OTOF: variants seen among roughly 807,000 people sequenced by gnomAD.
OTOF encodes otoferlin.
In OTOF, 218 loss-of-function variants were observed where a neutral mutation model predicts 236.8. The ratio of observed to expected loss-of-function variants is 0.92; its 90% CI spans 0.82 to 1.03. The LOEUF is 1.03. Ranked by LOEUF, OTOF falls within the 50% of genes least tolerant of loss-of-function variation. OTOF has a pLI of 0.00. For missense variants in OTOF, 2,590 were observed against 2,694.4 expected (o/e 0.96, Z 0.86); for synonymous variants, 1,041 against 1,072.5 (o/e 0.97, Z 0.57).
chr2:26,541,511 T>C (rs1487231128), intron 1 of OTOF, among the ~76,000 whole-genome samples: 1 of 152,168 alleles, frequency 6.6e-6, no homozygotes, highest in African/African-American at 2.4e-5. Flanking sequence ...AAAATGTCCT[T>C]CAGCATTTTG....
At chr2:26,476,485 T>A (rs1665277280) in intron 22 of OTOF, among the ~76,000 whole-genome samples, 168 bp from the exon 23 acceptor site, 1 of 107,980 alleles carries the variant, frequency 9.3e-6, no homozygotes, top group Non-Finnish European at 1.8e-5. Flanking sequence ...GGGGCCGTCA[T>A]GCCCCCTTCC....
At chr2:26,526,120 G>A (rs371074776) in intron 3 of OTOF, among the ~76,000 whole-genome samples, 22 of 75,402 alleles carry the variant, frequency 2.9e-4, no homozygotes, top group South Asian at 6.2e-4. Flanking sequence ...AAAGAAAAAA[G>A]GTGGAAGGAT....
At position 26,477,440 on chromosome 2, in the gene OTOF, G is replaced by A; in HGVS notation, c.2382C>T (p.Arg794=). 6.3e-7 allele frequency: 1 copy of A among 1,596,500 alleles called. No homozygotes were observed. The highest frequency in any genetic ancestry group is 8.5e-7 in the Non-Finnish European group (1 of 1,172,176). The change falls in exon 20 of 47, where the codon CGC becomes CGT. Residue 794 remains arginine, a synonymous_variant. Transcript: ENST00000272371. The surrounding 1 kb of genome is among the most constrained non-coding windows in gnomAD (Gnocchi z 4.7). ...CCAGCTCCCTCATGCAGGACTTGAGGCGCTCCCGGTCAAGCCTGGTGCGGG... is the reference window on the plus strand; with the variant it reads ...CCAGCTCCCTCATGCAGGACTTGAGACGCTCCCGGTCAAGCCTGGTGCGGG... ...HSSRTRLDRE[R]LKSCMRELEN... is the part of the protein sequence containing the mutation.
In OTOF at chr2:26,532,092, CAAAAAAAAAA is replaced by C. The variant is rs150580671; in HGVS notation, c.139-4182_139-4173del. Reference sequence around the variant, plus strand: ...TGGGTGACAGAGTAAGACTCCACCTCAAAAAAAAAAAAAAAAAAAAAAAGACTGAAGGAAA... The same window carrying C: ...TGGGTGACAGAGTAAGACTCCACCTCAAAAAAAAAAAAAGACTGAAGGAAA... On this transcript the variant is annotated intron_variant, in intron 2 of 46. Coordinates refer to ENST00000272371, the MANE Select transcript of OTOF (RefSeq NM_194248.3). 1.9e-4 allele frequency among the ~76,000 whole-genome samples: 15 copies of C among 80,196 alleles called. No individual in the cohort carries two copies. In the South Asian group the frequency reaches 5.3e-3, roughly 28 times the overall value. 52.6% of individuals were successfully genotyped at this position (80,196 alleles called of 152,430 possible). A position where few individuals can be genotyped will look rare whatever the true frequency, so the allele number is the denominator to read the frequency against.
At chr2:26,506,372 A>G (rs994063971) in intron 5 of OTOF, among the ~76,000 whole-genome samples, 1 of 152,138 alleles carries the variant, frequency 6.6e-6, no homozygotes, top group African/African-American at 2.4e-5. Flanking sequence ...AGCCTTTGCC[A>G]TTGCAGCCTG....
chr2:26,512,372 G>A (rs1666412566), intron 5 of OTOF, among the ~76,000 whole-genome samples: 2 of 152,356 alleles, frequency 1.3e-5, no homozygotes, highest in South Asian at 4.1e-4. Flanking sequence ...GTCCTCCCTG[G>A]TGTCATGCAG....
chr2:26,472,943 C>A (rs572153825), intron 29 of OTOF, among the ~76,000 whole-genome samples, 189 bp downstream of exon 29: 184 of 152,346 alleles, frequency 1.2e-3, no homozygotes, highest in South Asian at 3.7e-3. Flanking sequence ...TCCAGTTCTG[C>A]CCTCTCTGGC....
Position 26,461,753 on chromosome 2 carries a change from C to T in OTOF, c.5476G>A (p.Ala1826Thr), listed in dbSNP as rs774994611. The change falls in exon 43 of 47, where the codon GCG becomes ACG. Residue 1826 changes from alanine to threonine, a missense_variant. Ala to Thr is a moderately conservative substitution (Grantham distance 58). This residue lies in a region of OTOF where 1,211 missense variants were observed against 1,352.8 expected (regional missense o/e 0.90). Coordinates refer to ENST00000272371, the MANE Select transcript of OTOF (RefSeq NM_194248.3). This position sits in a 1 kb window ranked among gnomAD's most constrained non-coding sequence, Gnocchi z 6.2. ...TCCCAGATCTGCAGGGTGAGCCGCG[C>T]GGGGATCTTGTACTCGGTCTCGTCC... ...SWDETEYKIP[A>T]RLTLQIWDAD... is the part of the protein sequence containing the mutation. The T allele has an allele frequency of 1.2e-5, 20 of 1,614,050 alleles. No individual in the cohort carries two copies. Among genetic ancestry groups the T allele is most frequent in the Middle Eastern group, 1.6e-4 (1 of 6,084 alleles).
rs1236574851 is a variant in OTOF, at chr2:26,460,450, G to A, written c.5813+197C>T. 6.6e-6 allele frequency among the ~76,000 whole-genome samples: 1 copy of A among 152,212 alleles called. No individual in the cohort carries two copies. Among genetic ancestry groups the A allele is most frequent in the African/African-American group, 2.4e-5 (1 of 41,462 alleles). ...TGGGGCCTTTCCCAGGGAAGGTCCT[G>A]CTCTCCAGTATTCCTAGCCCATCCT... is the stretch of plus-strand genomic sequence containing the variant. On this transcript the variant is annotated intron_variant, in intron 45 of 46. Transcript: ENST00000272371. The surrounding 1 kb of genome is among the most constrained non-coding windows in gnomAD (Gnocchi z 5.3).
In OTOF at chr2:26,477,520, G is replaced by C. The variant is rs369796499; in HGVS notation, c.2316-14C>G. The C allele has an allele frequency of 2.5e-6, 4 of 1,598,780 alleles. No individual in the cohort carries two copies. The highest frequency in any genetic ancestry group is 3.4e-6 in the Non-Finnish European group (4 of 1,172,822). ...GAGAGGAAGCGGCTGGGGGTAGGGC[G>C]AGCCGGGGTTTAGCGAGCCTGACCA... On this transcript the variant is annotated splice_polypyrimidine_tract_variant and intron_variant, in intron 19 of 46. Transcript: ENST00000272371. The surrounding 1 kb of genome is among the most constrained non-coding windows in gnomAD (Gnocchi z 4.7).
At chr2:26,545,338 C>T (rs1245264319) in intron 1 of OTOF, among the ~76,000 whole-genome samples, 2 of 152,156 alleles carry the variant, frequency 1.3e-5, no homozygotes, top group East Asian at 1.9e-4. Context: ...CTTTTGCCTA[C>T]ATAAAAAATT....
intron 5 of OTOF, among the ~76,000 whole-genome samples, chr2:26,511,069 C>A (rs1476917352): frequency 6.6e-6 from 1 of 152,360 alleles, no homozygotes; most frequent in Admixed American, 6.5e-5. Context: ...GATGATTCCA[C>A]AATGTGGGTC....
At position 26,460,004 on chromosome 2, in the gene OTOF, A is replaced by C. The variant is rs1234856070; in HGVS notation, c.*17+4T>G. 1.3e-6 allele frequency: 2 copies of C among 1,558,186 alleles called. No homozygotes were observed. Among genetic ancestry groups the C allele is most frequent in the African/African-American group, 2.7e-5 (2 of 73,792 alleles). ...TCCAGAGGAAGAAGTAAGAAATATC[A>C]GACCCAGGAGGCCACTGGGCTCAGG... On this transcript the variant is annotated splice_donor_region_variant and intron_variant, in intron 46 of 46. Coordinates refer to ENST00000272371, the MANE Select transcript of OTOF (RefSeq NM_194248.3). The surrounding 1 kb of genome is among the most constrained non-coding windows in gnomAD (Gnocchi z 5.3).
intron 8 of OTOF, among the ~76,000 whole-genome samples, chr2:26,495,727 G>A (rs11675374): frequency 0.31 from 47,267 of 152,100 alleles, 8,619 homozygotes; most frequent in South Asian, 0.39. Flanking sequence ...TGCCCAGGCT[G>A]GAATCTGTAT....
Position 26,460,303 on chromosome 2 carries a change from T to C in OTOF, c.5814-98A>G. 9.7e-7 allele frequency: 1 copy of C among 1,026,382 alleles called. No homozygotes were observed. The highest frequency in any genetic ancestry group is 2.6e-5 in the East Asian group (1 of 38,484). 63.6% of individuals were successfully genotyped at this position (1,026,382 alleles called of 1,614,324 possible). A position where few individuals can be genotyped will look rare whatever the true frequency, so the allele number is the denominator to read the frequency against. Reference sequence around the variant, plus strand: ...GACCAAGAGGGAAGCTGTCCTGGGCTGTGTGTGCAGTTCTAGGCACCCCTC... The same window carrying C: ...GACCAAGAGGGAAGCTGTCCTGGGCCGTGTGTGCAGTTCTAGGCACCCCTC... On this transcript the variant is annotated intron_variant, in intron 45 of 46. Coordinates refer to ENST00000272371, the MANE Select transcript of OTOF (RefSeq NM_194248.3). The surrounding 1 kb of genome is among the most constrained non-coding windows in gnomAD (Gnocchi z 5.3).
chr2:26,472,159 GCA>G (rs1301130021), intron 30 of OTOF, among the ~76,000 whole-genome samples: 7 of 150,834 alleles, frequency 4.6e-5, no homozygotes, highest in African/African-American at 1.2e-4. Context: ...CCACATACAT[GCA>G]CACACACATG....
At chr2:26,459,639 T>G (rs1214258510) in intron 46 of OTOF, among the ~76,000 whole-genome samples, 1 of 151,814 alleles carries the variant, frequency 6.6e-6, no homozygotes, top group African/African-American at 2.4e-5. Context: ...AACACAGGAT[T>G]GGAAATTTGG....
chr2:26,485,834 T>C (rs1558493326), intron 11 of OTOF, among the ~76,000 whole-genome samples: 1 of 152,044 alleles, frequency 6.6e-6, no homozygotes, highest in African/African-American at 2.4e-5. Flanking sequence ...AATGCCACAG[T>C]AGAGTCTGAA....
chr2:26,479,463 C>G lies in OTOF; in HGVS notation c.2093+10G>C. On this transcript the variant is annotated intron_variant, in intron 17 of 46. Transcript: ENST00000272371. ...GGCCAGGCCACAGGAGGATGGGAGG[C>G]TGGGCCCACCTGTCGGTGACCTGGG... The G allele has an allele frequency of 6.2e-7, 1 of 1,601,782 alleles. No homozygotes were observed. Among genetic ancestry groups the G allele is most frequent in the Non-Finnish European group, 8.5e-7 (1 of 1,175,090 alleles).
Sources: gnomAD v4.1 joint callset for allele counts (sites outside exome capture counted in the v4.1 genomes callset) on GRCh38, gnomAD v4.1.1 for gene constraint, gnomAD v4.1.1 regional missense constraint, Gnocchi (gnomAD v3.1) non-coding constraint, MANE v1.5 for transcripts, NCBI Gene and HGNC (gene_info 2026-07-23, HGNC 2026-07-21) for gene names.